CFAP54: variants seen among roughly 807,000 people sequenced by gnomAD.
CFAP54 encodes cilia and flagella associated protein 54.
Under a neutral mutation model 370.4 loss-of-function variants are expected in CFAP54, and 290 were observed. That is an observed-to-expected ratio of 0.78 (90% confidence interval 0.71 to 0.86). The LOEUF (loss-of-function observed/expected upper bound fraction) is 0.86. Ranked by LOEUF, CFAP54 falls within the 40% of genes least tolerant of loss-of-function variation. The probability of loss-of-function intolerance (pLI) is 0.00; values close to 1 mark genes in which losing one functional copy is unlikely to be tolerated. For missense variants in CFAP54, 3,399 were observed against 3,528.7 expected (o/e 0.96, Z 0.93); for synonymous variants, 1,206 against 1,236.5 (o/e 0.98, Z 0.52).
chr12:96,786,572 G>A (rs1046323440), intron 61 of CFAP54, 103 bp from the exon 62 acceptor site: 5 of 776,934 alleles, frequency 6.4e-6, no homozygotes, highest in African/African-American at 5.3e-5. Context: ...TCTAGCGGAG[G>A]TGGGAATATG....
At chr12:96,793,486 A>G (rs1958725370) in intron 63 of CFAP54, among the ~76,000 whole-genome samples, 1 of 152,016 alleles carries the variant, frequency 6.6e-6, no homozygotes, top group Admixed American at 6.6e-5. Context: ...TATTTTTGCA[A>G]TTGTGAATTG....
At chr12:96,547,873 A>G (rs1313636488) in intron 14 of CFAP54, 29 bp from the exon 15 acceptor site, 1 of 1,221,058 alleles carries the variant, frequency 8.2e-7, no homozygotes, top group Non-Finnish European at 1.1e-6. Flanking sequence ...TCCATCCTTC[A>G]TTCCCTTCCT....
At chr12:96,615,905 A>G (rs1251899620) in intron 26 of CFAP54, among the ~76,000 whole-genome samples, 6 of 152,358 alleles carry the variant, frequency 3.9e-5, no homozygotes, top group African/African-American at 9.6e-5. Flanking sequence ...ACACTTTTAC[A>G]CAGTTGGTGG....
chr12:96,571,845 A>T (rs905137100), intron 19 of CFAP54, among the ~76,000 whole-genome samples: 4 of 152,182 alleles, frequency 2.6e-5, no homozygotes, highest in Admixed American at 6.5e-5. Context: ...TGGCTGCCTT[A>T]AATTAGGATT....
intron 50 of CFAP54, among the ~76,000 whole-genome samples, chr12:96,730,358 C>G (rs556376829): frequency 1.5e-3 from 223 of 152,212 alleles, no homozygotes; most frequent in African/African-American, 5.1e-3. Context: ...AGCACCGAGT[C>G]AAATATTATA....
intron 60 of CFAP54, among the ~76,000 whole-genome samples, chr12:96,779,924 T>G (rs1958564679): frequency 6.6e-6 from 1 of 152,000 alleles, no homozygotes. Flanking sequence ...AATTTAAAAT[T>G]TATTTTGATG....
rs776473963 is a variant in CFAP54, at chr12:96,756,447, T to A, written c.7841-11T>A. ...AGGAAAAACCATCTTTGTATCTTTTTCTTCTTTCAGGCAAAATAGAACGTC... is the reference window on the plus strand; with the variant it reads ...AGGAAAAACCATCTTTGTATCTTTTACTTCTTTCAGGCAAAATAGAACGTC... On this transcript the variant is annotated splice_polypyrimidine_tract_variant and intron_variant, in intron 56 of 67. Transcript: ENST00000524981. 3.9e-6 allele frequency: 6 copies of A among 1,524,058 alleles called. No individual in the cohort carries two copies. Among genetic ancestry groups the A allele is most frequent in the Non-Finnish European group, 5.4e-6 (6 of 1,120,842 alleles). The allele number at this position is 1,524,058 out of a possible 1,614,324, so 94.4% of individuals were successfully genotyped here.
rs1464293058 is a variant in CFAP54 at position 96,644,340 on chromosome 12, T to G, written c.4479T>G (p.Phe1493Leu). 1 of 1,535,920 alleles carries G rather than the reference T, an allele frequency of 6.5e-7. No individual in the cohort carries two copies. ...ACCTGTATCTAGCAGGTGCACACTTTAACCTGGTTTTACAAAAGCTATGGG... is the reference window on the plus strand; with the variant it reads ...ACCTGTATCTAGCAGGTGCACACTTGAACCTGGTTTTACAAAAGCTATGGG... The part of the protein sequence containing the change: ...QMNLYLAGAH[F>L]NLVLQKLWEC... Residue 1493 changes from phenylalanine to leucine, a missense_variant, in exon 33 of 68, where the codon TTT (phenylalanine) becomes TTG (leucine). Around this residue, in one of 3 missense-constraint regions of CFAP54, gnomAD observed 2,796 missense variants for 2,869.7 expected, o/e 0.97. Transcript: ENST00000524981.
intron 50 of CFAP54, among the ~76,000 whole-genome samples, chr12:96,725,181 A>G (rs1016895791): frequency 2.6e-5 from 4 of 151,838 alleles, no homozygotes; most frequent in Non-Finnish European, 5.9e-5. Flanking sequence ...TTCCATATGA[A>G]CTTTAAAGTA....
At chr12:96,681,370 CTT>C (rs202097088) in intron 40 of CFAP54, among the ~76,000 whole-genome samples, 49,987 of 134,554 alleles carry the variant, frequency 0.37, 7,427 homozygotes, top group Admixed American at 0.42. Context: ...AAGGTTTTTC[CTT>C]TTTTTTTTTT....
rs750749151 is a variant in CFAP54 at position 96,743,460 on chromosome 12, C to T, written c.7278C>T (p.Ser2426=). Residue 2426 remains serine, a synonymous_variant, in exon 53 of 68, where the codon AGC becomes AGT. Transcript: ENST00000524981. The part of the protein sequence containing the change: ...LINEVCMEAK[S]AGDTELQAEF... ...ATGAAGTGTGTATGGAGGCAAAAAG[C>T]GCAGGGGACACGGAACTGCAGGCTG... The T allele has an allele frequency of 1.1e-5, 17 of 1,613,882 alleles. No homozygotes were observed. The Admixed American group carries it at 1.3e-4, about 13-fold the overall frequency.
intron 48 of CFAP54, among the ~76,000 whole-genome samples, chr12:96,712,298 T>TA (rs577513595): frequency 1.5e-3 from 225 of 152,248 alleles, no homozygotes; most frequent in African/African-American, 5.1e-3. Context: ...ATCATTTATT[T>TA]AAAAAATCTA....
At chr12:96,752,085 T>TGTGAGAGAGA (rs1555318322) in intron 55 of CFAP54, among the ~76,000 whole-genome samples, 1 of 90,568 alleles carries the variant, frequency 1.1e-5, no homozygotes, top group African/African-American at 3.9e-5. Context: ...TCTTCCTGGA[T>TGTGAGAGAGA]GAGAGAGAGA....
At chr12:96,834,690 T>TC (rs1959180638) in intron 66 of CFAP54, among the ~76,000 whole-genome samples, 1 of 152,230 alleles carries the variant, frequency 6.6e-6, no homozygotes, top group Non-Finnish European at 1.5e-5. Context: ...TTGGGGATCT[T>TC]CCAGGCCTGG....
At chr12:96,700,170 C>T (rs993273697) in intron 46 of CFAP54, 77 bp downstream of exon 46, 42 of 1,426,686 alleles carry the variant, frequency 2.9e-5, no homozygotes, top group Non-Finnish European at 3.4e-5. Context: ...AACATTCCCA[C>T]GAAAGTGTAT....
rs375252381 is a variant in CFAP54, at chr12:96,664,797, A to C, written c.5563+865A>C. ...TATATCTATATATATATATATATAT[A>C]TATATATATATATATAGATATATAT... On this transcript the variant is annotated intron_variant, in intron 39 of 67. Transcript: ENST00000524981. Among the ~76,000 whole-genome samples the C allele has an allele frequency of 5.0e-3, 136 of 26,954 alleles. 10 individuals are homozygous for C. The highest frequency in any genetic ancestry group is 0.017 in the African/African-American group (101 of 5,990). 17.7% of individuals were successfully genotyped at this position (26,954 alleles called of 152,430 possible).
At chr12:96,819,973 T>G (rs1330944480) in intron 65 of CFAP54, among the ~76,000 whole-genome samples, 1 of 152,196 alleles carries the variant, frequency 6.6e-6, no homozygotes. Flanking sequence ...CCAGAACTCT[T>G]GCCTACAAAA....
In CFAP54 at chr12:96,598,778, C is replaced by A. The variant is rs1347147603; in HGVS notation, c.3639+11C>A. 2 of 581,188 alleles carry A rather than the reference C, an allele frequency of 3.4e-6. No individual in the cohort carries two copies. Among genetic ancestry groups the A allele is most frequent in the Non-Finnish European group, 6.2e-6 (2 of 321,256 alleles). 36.0% of individuals were successfully genotyped at this position (581,188 alleles called of 1,614,324 possible). A position where few individuals can be genotyped will look rare whatever the true frequency, so the allele number is the denominator to read the frequency against. On this transcript the variant is annotated intron_variant, in intron 26 of 67. Coordinates refer to ENST00000524981, the MANE Select transcript of CFAP54 (RefSeq NM_001306084.2). ...TTCTACATAACAAAGGTATTTATCT[C>A]ATTCTTTATCTAGTATTATAATATT...
intron 26 of CFAP54, among the ~76,000 whole-genome samples, chr12:96,606,712 G>C (rs1276680753): frequency 6.6e-6 from 1 of 152,136 alleles, no homozygotes; most frequent in Non-Finnish European, 1.5e-5. Context: ...GGGTATCTTA[G>C]GCCAGAATAT....
Sources: gnomAD v4.1 joint callset for allele counts (sites outside exome capture counted in the v4.1 genomes callset) on GRCh38, gnomAD v4.1.1 for gene constraint, gnomAD v4.1.1 regional missense constraint, MANE v1.5 for transcripts, NCBI Gene and HGNC (gene_info 2026-07-23, HGNC 2026-07-21) for gene names.